The following COBL variants were observed in gnomAD, a reference collection of about 807,000 sequenced individuals.
The protein encoded by COBL is cordon-bleu WH2 repeat protein.
In COBL, 51 loss-of-function variants were observed where a neutral mutation model predicts 98.8. The ratio of observed to expected loss-of-function variants is 0.52; its 90% CI spans 0.41 to 0.65. The LOEUF is 0.65. COBL is among the 30% of genes least tolerant of loss of function. The pLI is 0.00. For synonymous variants in COBL, 634 were observed against 651.7 expected (o/e 0.97, Z 0.41); for missense variants, 1,617 against 1,617.5 (o/e 1.00, Z 0.01).
chr7:51,114,691 C>T (rs548702889), intron 6 of COBL, among the ~76,000 whole-genome samples: 3 of 152,252 alleles, frequency 2.0e-5, no homozygotes, highest in Non-Finnish European at 2.9e-5. Context: ...TGTCACAAGG[C>T]CAGTTCCTCC....
intron 6 of COBL, among the ~76,000 whole-genome samples, chr7:51,115,461 T>C (rs755779411): frequency 4.6e-5 from 7 of 152,142 alleles, no homozygotes; most frequent in Non-Finnish European, 7.4e-5. Context: ...AATTTTAATA[T>C]ATTGTATATT....
intron 6 of COBL, among the ~76,000 whole-genome samples, chr7:51,110,364 C>A (rs1271763863): frequency 6.6e-6 from 1 of 152,152 alleles, no homozygotes; most frequent in Non-Finnish European, 1.5e-5. Flanking sequence ...TGCATTATTT[C>A]TCCTTCTGTG....
intron 1 of COBL, among the ~76,000 whole-genome samples, chr7:51,275,209 G>A (rs1799187164): frequency 6.6e-6 from 1 of 152,180 alleles, no homozygotes; most frequent in African/African-American, 2.4e-5. Flanking sequence ...CCCAAGGGCT[G>A]GCTGTGGAGG....
chr7:51,211,929 T>C (rs952527474), intron 2 of COBL, among the ~76,000 whole-genome samples: 3 of 152,026 alleles, frequency 2.0e-5, no homozygotes, highest in Non-Finnish European at 4.4e-5. Context: ...AGGTTAAATC[T>C]CAGGTTCAAT....
At chr7:51,189,959 ACT>A (rs1789936874) in intron 4 of COBL, among the ~76,000 whole-genome samples, 1 of 152,166 alleles carries the variant, frequency 6.6e-6, no homozygotes, top group African/African-American at 2.4e-5. Context: ...CTGGGCTGCC[ACT>A]CTCACCAGTG....
At chr7:51,143,156 G>A (rs1784706914) in intron 5 of COBL, among the ~76,000 whole-genome samples, 1 of 152,178 alleles carries the variant, frequency 6.6e-6, no homozygotes, top group Admixed American at 6.5e-5. Flanking sequence ...GGCAGCAGCA[G>A]AGAAGAGCAT....
At chr7:51,148,248 T>TG (rs1049040818) in intron 5 of COBL, among the ~76,000 whole-genome samples, 4 of 152,116 alleles carry the variant, frequency 2.6e-5, no homozygotes, top group African/African-American at 9.7e-5. Context: ...CCAGAGTGAC[T>TG]GGGGGGTGGG....
At chr7:51,100,282 CT>C (rs1795695704) in intron 6 of COBL, among the ~76,000 whole-genome samples, 1 of 152,214 alleles carries the variant, frequency 6.6e-6, no homozygotes, top group Non-Finnish European at 1.5e-5. Flanking sequence ...CTTCAATTAA[CT>C]AGCAAGGGGC....
At chr7:51,031,873 C>G (rs1049679731) in intron 8 of COBL, 3 of 152,234 alleles carry the variant, frequency 2.0e-5, no homozygotes, top group African/African-American at 4.8e-5. Context: ...AACCTCACAG[C>G]AACAGTAGCA....
At chr7:51,277,234 G>A (rs966831868) in intron 1 of COBL, among the ~76,000 whole-genome samples, 4 of 152,198 alleles carry the variant, frequency 2.6e-5, no homozygotes, top group Admixed American at 6.5e-5. Context: ...GGCTAGGTCT[G>A]CTCTCACGGA....
rs1787379950 is a variant in COBL, at chr7:51,025,008, C to T, written c.3768+101G>A. 24 of 1,517,124 alleles carry T rather than the reference C, an allele frequency of 1.6e-5. No homozygotes were observed. The South Asian group carries it at 2.6e-4, about 17-fold the overall frequency. 94.0% of individuals were successfully genotyped at this position (1,517,124 alleles called of 1,614,324 possible). On this transcript the variant is annotated intron_variant, in intron 12 of 12. Coordinates refer to ENST00000265136, the MANE Select transcript of COBL (RefSeq NM_015198.5). ...TCTCTCTCAACCCACTCCCATGTGA[C>T]CGCCTCGCAGCTCCTGCCCACAGGC... is the stretch of plus-strand genomic sequence containing the variant.
chr7:51,181,612 T>C (rs1788962390), intron 5 of COBL, among the ~76,000 whole-genome samples: 1 of 152,178 alleles, frequency 6.6e-6, no homozygotes, highest in Non-Finnish European at 1.5e-5. Context: ...GCAAACGAAG[T>C]GTGTCCCAGG....
chr7:51,019,328 G>A (rs564396017), intron 12 of COBL, among the ~76,000 whole-genome samples: 14 of 152,132 alleles, frequency 9.2e-5, no homozygotes, highest in African/African-American at 2.7e-4. Context: ...CACATGACAC[G>A]ATGGGCAAGA....
chr7:51,062,496 T>C (rs1287094849), intron 7 of COBL, among the ~76,000 whole-genome samples: 3 of 152,090 alleles, frequency 2.0e-5, no homozygotes, highest in African/African-American at 4.8e-5. Context: ...GGCTTCCAAT[T>C]AACACTGCTG....
intron 7 of COBL, among the ~76,000 whole-genome samples, chr7:51,080,476 C>T (rs1383213062): frequency 3.3e-5 from 5 of 152,078 alleles, no homozygotes; most frequent in Non-Finnish European, 5.9e-5. Context: ...ATTGAGAGTC[C>T]GAGATCCCAT....
chr7:51,023,558 C>T (rs1787151158), intron 12 of COBL, among the ~76,000 whole-genome samples: 1 of 152,198 alleles, frequency 6.6e-6, no homozygotes, highest in African/African-American at 2.4e-5. Context: ...CAGAGAGCCA[C>T]CGAATCAGTG....
chr7:51,295,412 G>A (rs1486142362), intron 1 of COBL, among the ~76,000 whole-genome samples: 3 of 151,666 alleles, frequency 2.0e-5, no homozygotes, highest in Non-Finnish European at 2.9e-5. Flanking sequence ...AAAAAATAAC[G>A]ATTAAAAATA....
chr7:51,296,437 T>A (rs2129195772), intron 1 of COBL, among the ~76,000 whole-genome samples: 1 of 152,314 alleles, frequency 6.6e-6, no homozygotes, highest in South Asian at 2.1e-4. Flanking sequence ...TATTTTTTTT[T>A]AATTAAGCTT....
chr7:51,233,101 T>C (rs1794919728), intron 1 of COBL, among the ~76,000 whole-genome samples: 1 of 152,208 alleles, frequency 6.6e-6, no homozygotes, highest in South Asian at 2.1e-4. Flanking sequence ...GAATGAATTT[T>C]TACAAATATT....
Sources: gnomAD v4.1 joint callset for allele counts (sites outside exome capture counted in the v4.1 genomes callset) on GRCh38, gnomAD v4.1.1 for gene constraint, MANE v1.5 for transcripts, NCBI Gene and HGNC (gene_info 2026-07-23, HGNC 2026-07-21) for gene names.